Variants in PSD3 observed in about 807,000 individuals in gnomAD.
PSD3 encodes PH and SEC7 domain-containing protein 3.
Under a neutral mutation model 105.5 loss-of-function variants are expected in PSD3, and 49 were observed. The observed-to-expected ratio is 0.46, with a 90% confidence interval of 0.37 to 0.59. The LOEUF (loss-of-function observed/expected upper bound fraction) is 0.59, where lower values mean the gene tolerates loss of function less well. Ranked by LOEUF, PSD3 falls within the 20% of genes least tolerant of loss-of-function variation. The pLI is 0.00. For missense variants in PSD3, 1,561 were observed against 1,263.8 expected (o/e 1.24, Z -3.57); for synonymous variants, 557 against 457.8 (o/e 1.22, Z -2.77).
intron 1 of PSD3, among the ~76,000 whole-genome samples, chr8:19,072,102 CTTCT>C (rs1829285607): frequency 1.5e-5 from 1 of 66,332 alleles, no homozygotes; most frequent in East Asian, 6.0e-4. Flanking sequence ...CTGAATATTT[CTTCT>C]TTTTTTTTTT....
chr8:18,900,995 T>C (rs1819467688), intron 2 of PSD3, among the ~76,000 whole-genome samples: 1 of 152,198 alleles, frequency 6.6e-6, no homozygotes, highest in Non-Finnish European at 1.5e-5. Context: ...ATACTGCATC[T>C]TTATGTTTCT....
At chr8:18,750,419 C>T (rs1805378820) in intron 9 of PSD3, among the ~76,000 whole-genome samples, 1 of 152,088 alleles carries the variant, frequency 6.6e-6, no homozygotes, top group Non-Finnish European at 1.5e-5. Context: ...TTGTTCGTTC[C>T]TCCCGGTGGG....
chr8:18,644,803 G>C (rs542140821), intron 10 of PSD3, among the ~76,000 whole-genome samples: 1 of 152,094 alleles, frequency 6.6e-6, no homozygotes, highest in African/African-American at 2.4e-5. Flanking sequence ...ATCTTCTGTC[G>C]TAGTCTGTTT....
rs73666747 is a variant in PSD3 at position 18,903,371 on chromosome 8, G to T, written c.131-30638C>A. ...CATCTGAGCCTCTGTGAGGCCAGGT[G>T]CAGTGGCAGCAAGTACCTGGGAATG... On this transcript the variant is annotated intron_variant, in intron 2 of 15. Transcript: ENST00000327040. 5.6e-3 allele frequency among the ~76,000 whole-genome samples: 855 copies of T among 152,254 alleles called. 5 individuals carry two copies. The highest frequency in any genetic ancestry group is 0.019 in the African/African-American group (772 of 41,530).
intron 2 of PSD3, among the ~76,000 whole-genome samples, chr8:18,905,829 A>G (rs902526003): frequency 2.6e-5 from 4 of 152,198 alleles, no homozygotes; most frequent in Non-Finnish European, 5.9e-5. Context: ...TAGGCCTAAA[A>G]TAATTTTTAC....
rs1478329392 is a variant in PSD3, at chr8:18,801,201, T to C, written c.2023+69A>G. On this transcript the variant is annotated intron_variant, in intron 7 of 15. Coordinates refer to ENST00000327040, the MANE Select transcript of PSD3 (RefSeq NM_015310.4). ...AGATACATAATTTCTCACAATAAAA[T>C]TTAACTTTCATAATAAGGAAAATAA... is the stretch of plus-strand genomic sequence containing the variant. The C allele has an allele frequency of 4.1e-6, 4 of 975,026 alleles. No individual in the cohort carries two copies. In the East Asian group the frequency reaches 1.0e-4, roughly 24 times the overall value. 60.4% of individuals were successfully genotyped at this position (975,026 alleles called of 1,614,324 possible). A position where few individuals can be genotyped will look rare whatever the true frequency, so the allele number is the denominator to read the frequency against.
At chr8:18,679,864 C>T (rs1003912720) in intron 9 of PSD3, among the ~76,000 whole-genome samples, 4 of 152,154 alleles carry the variant, frequency 2.6e-5, no homozygotes, top group South Asian at 4.1e-4. Flanking sequence ...AAGCTTTAAA[C>T]GGTTCACTTG....
chr8:18,564,394 C>A (rs963418548), intron 14 of PSD3, among the ~76,000 whole-genome samples: 1 of 151,948 alleles, frequency 6.6e-6, no homozygotes, highest in African/African-American at 2.4e-5. Context: ...TTTGGGAGGC[C>A]GATGCGGGCG....
At chr8:18,963,061 G>A (rs1282195759) in intron 1 of PSD3, among the ~76,000 whole-genome samples, 1 of 152,188 alleles carries the variant, frequency 6.6e-6, no homozygotes. Flanking sequence ...GAATCATGGT[G>A]GGAGGCGAAA....
chr8:18,782,418 T>C (rs184281793), intron 8 of PSD3, among the ~76,000 whole-genome samples: 264 of 152,236 alleles, frequency 1.7e-3, no homozygotes, highest in African/African-American at 6.2e-3. Context: ...GCAGTCTCCA[T>C]ATGACTTCTT....
chr8:18,658,308 A>C (rs1316710176), intron 9 of PSD3, among the ~76,000 whole-genome samples: 1 of 152,164 alleles, frequency 6.6e-6, no homozygotes, highest in Non-Finnish European at 1.5e-5. Flanking sequence ...CCAAAACTTA[A>C]ATACACTCTC....
At chr8:18,876,949 CAT>C (rs1817769848) in intron 2 of PSD3, among the ~76,000 whole-genome samples, 2 of 152,184 alleles carry the variant, frequency 1.3e-5, no homozygotes, top group Non-Finnish European at 2.9e-5. Context: ...AGCACCTTGT[CAT>C]GTGTTTTTTG....
intron 1 of PSD3, among the ~76,000 whole-genome samples, chr8:19,054,580 A>G (rs1828646075): frequency 6.6e-6 from 1 of 152,200 alleles, no homozygotes; most frequent in African/African-American, 2.4e-5. Flanking sequence ...CATCTGCCGT[A>G]ATTTTTTATA....
chr8:18,996,104 C>T (rs922527525), intron 1 of PSD3, among the ~76,000 whole-genome samples: 2 of 151,168 alleles, frequency 1.3e-5, no homozygotes, highest in Non-Finnish European at 2.9e-5. Context: ...CCAAGGACAC[C>T]GGTTTCTTTA....
intron 9 of PSD3, among the ~76,000 whole-genome samples, chr8:18,741,820 G>A (rs1314129123): frequency 8.0e-6 from 1 of 125,264 alleles, no homozygotes; most frequent in Non-Finnish European, 1.7e-5. Context: ...AAAAAAAAAA[G>A]GCTATGCCAT....
chr8:18,720,780 A>G (rs983864107), intron 9 of PSD3: 1 of 152,156 alleles, frequency 6.6e-6, no homozygotes, highest in African/African-American at 2.4e-5. Flanking sequence ...ACACACACAT[A>G]ATTACAACAA....
intron 15 of PSD3, among the ~76,000 whole-genome samples, chr8:18,549,851 A>C (rs773720399): frequency 1.2e-4 from 18 of 152,216 alleles, no homozygotes; most frequent in Non-Finnish European, 2.6e-4. Flanking sequence ...ACATAATCTA[A>C]AACAAATTGC....
At chr8:18,655,612 T>C (rs1254184791) in intron 10 of PSD3, 30 bp downstream of exon 10, 3 of 1,607,586 alleles carry the variant, frequency 1.9e-6, no homozygotes, top group Non-Finnish European at 2.6e-6. Flanking sequence ...AGTAGTTCAT[T>C]ATTAAAAGGC....
intron 14 of PSD3, among the ~76,000 whole-genome samples, chr8:18,566,551 C>A (rs1467127153): frequency 7.4e-6 from 1 of 134,716 alleles, no homozygotes; most frequent in Admixed American, 7.6e-5. Context: ...AAAAAAATTC[C>A]TTAAAAACAT....
Sources: gnomAD v4.1 joint callset for allele counts (sites outside exome capture counted in the v4.1 genomes callset) on GRCh38, gnomAD v4.1.1 for gene constraint, MANE v1.5 for transcripts, NCBI Gene and HGNC (gene_info 2026-07-23, HGNC 2026-07-21) for gene names.